SYNPR: variants seen among roughly 807,000 people sequenced by gnomAD.
SYNPR encodes synaptoporin.
In SYNPR, 23 loss-of-function variants were observed where a neutral mutation model predicts 32.9. The ratio of observed to expected loss-of-function variants is 0.70; its 90% CI spans 0.50 to 0.99. SYNPR has a LOEUF of 0.99. SYNPR is among the 50% of genes least tolerant of loss of function. The probability of loss-of-function intolerance (pLI) is 0.00; values close to 1 mark genes in which losing one functional copy is unlikely to be tolerated. For synonymous variants in SYNPR, 146 were observed against 135.9 expected (o/e 1.07, Z -0.52); for missense variants, 318 against 349.3 (o/e 0.91, Z 0.71).
At chr3:63,434,651 A>C (rs1483753568) in intron 2 of SYNPR, among the ~76,000 whole-genome samples, 1 of 152,206 alleles carries the variant, frequency 6.6e-6, no homozygotes, top group Non-Finnish European at 1.5e-5. Context: ...TTCTGATATA[A>C]AGTCTTAATC....
intron 4 of SYNPR, among the ~76,000 whole-genome samples, chr3:63,569,368 T>G (rs1702847062): frequency 6.6e-6 from 1 of 152,176 alleles, no homozygotes; most frequent in African/African-American, 2.4e-5. Context: ...ACCTCTTATC[T>G]GAGTGAAAAT....
At chr3:63,603,466 T>A (rs951555260) in intron 4 of SYNPR, among the ~76,000 whole-genome samples, 4 of 152,210 alleles carry the variant, frequency 2.6e-5, no homozygotes, top group African/African-American at 9.6e-5. Flanking sequence ...TTCAGTATGA[T>A]GTTGGCTGTG....
chr3:63,369,424 C>T (rs2087768852), intron 2 of SYNPR, among the ~76,000 whole-genome samples: 1 of 152,148 alleles, frequency 6.6e-6, no homozygotes, highest in African/African-American at 2.4e-5. Context: ...AAGTAGATCT[C>T]AGAGAATATA....
chr3:63,204,578 C>G, the SYNPR span, among the ~76,000 whole-genome samples: 1 of 152,208 alleles, frequency 6.6e-6, no homozygotes, highest in African/African-American at 2.4e-5. Flanking sequence ...CTAGTAACAA[C>G]ACATTTGCTC....
intron 2 of SYNPR, among the ~76,000 whole-genome samples, chr3:63,288,055 T>C (rs2086702782): frequency 6.6e-6 from 1 of 152,216 alleles, no homozygotes; most frequent in Admixed American, 6.5e-5. Flanking sequence ...TTTATTCTTG[T>C]CATTATTCTT....
intron 2 of SYNPR, among the ~76,000 whole-genome samples, chr3:63,450,258 C>T (rs985515338): frequency 3.3e-5 from 5 of 152,096 alleles, no homozygotes; most frequent in Admixed American, 1.3e-4. Context: ...AGAGAGAGTG[C>T]GGGTTTTGAA....
chr3:63,234,383 G>C (rs1051981381), intron 1 of SYNPR, among the ~76,000 whole-genome samples: 1 of 152,138 alleles, frequency 6.6e-6, no homozygotes, highest in Non-Finnish European at 1.5e-5. Flanking sequence ...TCATATCAAT[G>C]GGATTGCATT....
chr3:63,550,301 T>C (rs1702477983), intron 3 of SYNPR, among the ~76,000 whole-genome samples: 1 of 151,450 alleles, frequency 6.6e-6, no homozygotes, highest in African/African-American at 2.4e-5. Flanking sequence ...AAAGTTCTTA[T>C]ATATAAGCTC....
chr3:63,531,228 C>G (rs541826682), intron 3 of SYNPR, among the ~76,000 whole-genome samples: 8 of 152,280 alleles, frequency 5.3e-5, no homozygotes, highest in African/African-American at 1.9e-4. Flanking sequence ...CAAAGCATCA[C>G]AAACTGGGTG....
chr3:63,498,954 A>G (rs938419709), intron 3 of SYNPR, among the ~76,000 whole-genome samples: 9 of 151,448 alleles, frequency 5.9e-5, no homozygotes, highest in Non-Finnish European at 1.2e-4. Flanking sequence ...CCTCTAAAAA[A>G]AAAAAAAAAG....
At chr3:63,555,471 C>T (rs1702580271) in intron 3 of SYNPR, among the ~76,000 whole-genome samples, 3 of 151,898 alleles carry the variant, frequency 2.0e-5, no homozygotes, top group Admixed American at 1.3e-4. Flanking sequence ...TTATAGTTCA[C>T]GACTTAGTTC....
At chr3:63,249,979 A>G (rs2086318182) in intron 1 of SYNPR, among the ~76,000 whole-genome samples, 1 of 152,134 alleles carries the variant, frequency 6.6e-6, no homozygotes, top group African/African-American at 2.4e-5. Flanking sequence ...AGTGAATAAG[A>G]GAAACTTACC....
At chr3:63,287,982 CTAT>C (rs1204822746) in intron 2 of SYNPR, among the ~76,000 whole-genome samples, 2 of 152,164 alleles carry the variant, frequency 1.3e-5, no homozygotes, top group African/African-American at 4.8e-5. Context: ...AAGAGTGCCA[CTAT>C]TATTATGTCT....
chr3:63,565,675 T>C (rs1343014005), intron 4 of SYNPR, among the ~76,000 whole-genome samples: 1 of 152,196 alleles, frequency 6.6e-6, no homozygotes, highest in Non-Finnish European at 1.5e-5. Context: ...TATCCATGTG[T>C]TGCCATGTGA....
chr3:63,424,738 G>T (rs1208620789), intron 2 of SYNPR, among the ~76,000 whole-genome samples: 1 of 152,140 alleles, frequency 6.6e-6, no homozygotes, highest in African/African-American at 2.4e-5. Flanking sequence ...GGGCACTTTG[G>T]AGGGAGGGGA....
intron 4 of SYNPR, among the ~76,000 whole-genome samples, chr3:63,577,752 T>C (rs1214511713): frequency 6.6e-6 from 1 of 152,150 alleles, no homozygotes; most frequent in African/African-American, 2.4e-5. Flanking sequence ...ATGGATACAT[T>C]CTGTAAAGGA....
intron 4 of SYNPR, among the ~76,000 whole-genome samples, chr3:63,582,331 T>C (rs1459914037): frequency 6.6e-6 from 1 of 152,092 alleles, no homozygotes; most frequent in East Asian, 1.9e-4. Flanking sequence ...CTTTTTTTAG[T>C]AGCTAATTCC....
At chr3:63,595,893 T>A (rs559617657) in intron 4 of SYNPR, among the ~76,000 whole-genome samples, 1,021 of 74,474 alleles carry the variant, frequency 0.014, 7 homozygotes, top group Non-Finnish European at 0.023. Context: ...ATATATAGTT[T>A]TATATATATA....
At chr3:63,462,876 T>G (rs1368329271) in intron 2 of SYNPR, among the ~76,000 whole-genome samples, 5 of 152,158 alleles carry the variant, frequency 3.3e-5, no homozygotes, top group African/African-American at 9.7e-5. Flanking sequence ...GAGCATTGTT[T>G]TCAGTTTCCT....
Sources: allele counts gnomAD v4.1 joint callset (sites outside exome capture counted in the v4.1 genomes callset), GRCh38; gene constraint gnomAD v4.1.1; transcripts MANE v1.5; gene names NCBI Gene and HGNC (gene_info 2026-07-23, HGNC 2026-07-21).